Variants in CD226 observed in about 807,000 individuals in gnomAD.
The protein encoded by CD226 is CD226 antigen.
CD226 carries 24 observed loss-of-function variants against 34.9 expected under a neutral mutation model. That is an observed-to-expected ratio of 0.69 (90% CI 0.50 to 0.97). The LOEUF (loss-of-function observed/expected upper bound fraction) is 0.97, where lower values mean the gene tolerates loss of function less well. CD226 is among the 50% of genes least tolerant of loss of function. The pLI is 0.00. For missense variants in CD226, 397 were observed against 412.7 expected (o/e 0.96, Z 0.33); for synonymous variants, 148 against 147.4 (o/e 1.00, Z -0.03).
chr18:69,908,910 C>T (rs1027745705), intron 2 of CD226, among the ~76,000 whole-genome samples: 3 of 152,352 alleles, frequency 2.0e-5, no homozygotes, highest in African/African-American at 7.2e-5. Flanking sequence ...CACTTCATTC[C>T]AAGAACACTG....
intron 2 of CD226, among the ~76,000 whole-genome samples, chr18:69,938,160 A>T (rs2055678469): frequency 6.6e-6 from 1 of 152,228 alleles, no homozygotes; most frequent in Non-Finnish European, 1.5e-5. Context: ...TCACAGAGTC[A>T]GCAAACATAC....
rs1982671977 is a variant in CD226, at chr18:69,858,381, T to A, written c.*5933A>T. The A allele has an allele frequency of 6.6e-6, 1 of 152,190 alleles. No individual in the cohort carries two copies. The highest frequency in any genetic ancestry group is 2.4e-5 in the African/African-American group (1 of 41,438). The allele number at this position is 152,190 out of a possible 1,614,324, so 9.4% of individuals were successfully genotyped here. ...GAGGGAATGTCGCAGTGTGTTCTGT[T>A]TGGAAAGTAAGTTGTACCCTGACTG... is the stretch of plus-strand genomic sequence containing the variant. On this transcript the variant is annotated 3_prime_UTR_variant, in exon 6 of 6. Coordinates refer to ENST00000582621, the MANE Select transcript of CD226 (RefSeq NM_001303618.2).
chr18:69,939,437 A>G lies in CD226; in HGVS notation c.382+7297T>C, dbSNP rs1181563499. 2.0e-5 allele frequency among the ~76,000 whole-genome samples: 3 copies of G among 152,252 alleles called. 1 individual carries two copies. Among genetic ancestry groups the G allele is most frequent in the Non-Finnish European group, 4.4e-5 (3 of 68,052 alleles). On this transcript the variant is annotated intron_variant, in intron 2 of 5. Coordinates refer to ENST00000582621, the MANE Select transcript of CD226 (RefSeq NM_001303618.2). ...CATCCATGTCGGTGAGCAAGTGATA[A>G]TTCACTCATTTTAGTGATGTAGAGT...
intron 3 of CD226, among the ~76,000 whole-genome samples, chr18:69,888,416 C>CTTTTTTTT (rs397771802): frequency 2.4e-5 from 3 of 125,074 alleles, no homozygotes; most frequent in Admixed American, 8.9e-5. Context: ...TTTCCTTTCT[C>CTTTTTTTT]TTTTTTTTTT....
intron 3 of CD226, among the ~76,000 whole-genome samples, chr18:69,881,700 T>C (rs1421640349): frequency 6.6e-6 from 1 of 152,240 alleles, no homozygotes; most frequent in Non-Finnish European, 1.5e-5. Flanking sequence ...CACATTGAAG[T>C]AGTCGTGTAC....
chr18:69,867,948 T>C (rs1790588), intron 4 of CD226, among the ~76,000 whole-genome samples: 82,770 of 151,976 alleles, frequency 0.54, 23,609 homozygotes, highest in African/African-American at 0.72. Flanking sequence ...GAGTAACTTG[T>C]CCCAAATCAC....
upstream of CD226, among the ~76,000 whole-genome samples, chr18:69,959,530 G>C (rs1436271106): frequency 1.3e-5 from 2 of 151,934 alleles, no homozygotes; most frequent in African/African-American, 2.4e-5. Flanking sequence ...TCTAACAAAG[G>C]GTAAGGAAAG....
At chr18:69,908,706 C>T (rs1393961355) in intron 2 of CD226, among the ~76,000 whole-genome samples, 2 of 152,208 alleles carry the variant, frequency 1.3e-5, no homozygotes, top group African/African-American at 4.8e-5. Context: ...AAGGTTCAGA[C>T]GTTTCCTATT....
chr18:69,880,200 AG>A (rs1323347045), intron 3 of CD226, among the ~76,000 whole-genome samples: 4 of 112,412 alleles, frequency 3.6e-5, no homozygotes, highest in Non-Finnish European at 7.6e-5. Context: ...AAAGCGGGGG[AG>A]GAAGGCAGGC....
intron 2 of CD226, among the ~76,000 whole-genome samples, chr18:69,924,692 CAA>C (rs56118102): frequency 1.1e-4 from 6 of 57,110 alleles, no homozygotes; most frequent in Admixed American, 6.3e-4. Context: ...AAGGTATTGC[CAA>C]AAAAAAAAAA....
At position 69,860,384 on chromosome 18, in the gene CD226, G is replaced by T. The variant is rs762716749; in HGVS notation, c.*3930C>A. ...TGACCATATAACTTATTCTAACAAGGATAATACGAAATAAACCAGAATTAT... is the reference window on the plus strand; with the variant it reads ...TGACCATATAACTTATTCTAACAAGTATAATACGAAATAAACCAGAATTAT... On this transcript the variant is annotated 3_prime_UTR_variant, in exon 6 of 6. Transcript: ENST00000582621. 10 of 152,128 alleles carry T rather than the reference G, an allele frequency of 6.6e-5. No homozygotes were observed. The highest frequency in any genetic ancestry group is 9.7e-5 in the African/African-American group (4 of 41,436). 9.4% of individuals were successfully genotyped at this position (152,128 alleles called of 1,614,324 possible).
At chr18:69,896,996 T>C (rs1985339737) in intron 2 of CD226, among the ~76,000 whole-genome samples, 1 of 152,130 alleles carries the variant, frequency 6.6e-6, no homozygotes, top group African/African-American at 2.4e-5. Flanking sequence ...AAGTCCATGG[T>C]CCTTAGAGTG....
In CD226 at chr18:69,943,973, C is replaced by CTT. The variant is rs11350418; in HGVS notation, c.382+2759_382+2760dup. Among the ~76,000 whole-genome samples, 165 of 136,944 alleles carry CTT rather than the reference C, an allele frequency of 1.2e-3. 1 individual carries two copies. The highest frequency in any genetic ancestry group is 3.1e-3 in the African/African-American group (114 of 36,846). The allele number at this position is 136,944 out of a possible 152,430, so 89.8% of individuals were successfully genotyped here. ...AAACTAGGATTTCTAGATTCCAAGT[C>CTT]TTTTTTTTTTTTTTTTTACTATTTA... On this transcript the variant is annotated intron_variant, in intron 2 of 5. Coordinates refer to ENST00000582621, the MANE Select transcript of CD226 (RefSeq NM_001303618.2).
At chr18:69,958,067 G>A (rs1170958993), upstream of CD226, among the ~76,000 whole-genome samples, 3 of 152,100 alleles carry the variant, frequency 2.0e-5, no homozygotes, top group Non-Finnish European at 4.4e-5. Context: ...CATCCAGCAG[G>A]TCTCAGCTCC....
chr18:69,931,373 A>G (rs1356821447), intron 2 of CD226, among the ~76,000 whole-genome samples: 2 of 152,176 alleles, frequency 1.3e-5, no homozygotes, highest in East Asian at 1.9e-4. Flanking sequence ...CCTAAAACTT[A>G]AAGTATAATA....
intron 2 of CD226, among the ~76,000 whole-genome samples, chr18:69,906,793 C>T (rs1208951698): frequency 6.6e-6 from 1 of 152,154 alleles, no homozygotes; most frequent in Non-Finnish European, 1.5e-5. Context: ...TCCAAACACC[C>T]TGCAATGCAG....
At chr18:69,918,507 G>A (rs1311481548) in intron 2 of CD226, among the ~76,000 whole-genome samples, 8 of 152,208 alleles carry the variant, frequency 5.3e-5, no homozygotes, top group African/African-American at 9.7e-5. Context: ...GCGGTGAGCC[G>A]AGATTGTGCC....
intron 3 of CD226, among the ~76,000 whole-genome samples, chr18:69,885,005 G>T (rs1401254933): frequency 6.6e-6 from 1 of 152,102 alleles, no homozygotes. Flanking sequence ...CAGTTTTCTG[G>T]GTAGGGAGGA....
chr18:69,875,984 A>G (rs1983841331), intron 3 of CD226, among the ~76,000 whole-genome samples: 1 of 152,204 alleles, frequency 6.6e-6, no homozygotes. Flanking sequence ...TACAGTATGG[A>G]TGGTGATACA....
Sources: allele counts gnomAD v4.1 joint callset (sites outside exome capture counted in the v4.1 genomes callset), GRCh38; gene constraint gnomAD v4.1.1; transcripts MANE v1.5; gene names NCBI Gene and HGNC (gene_info 2026-07-23, HGNC 2026-07-21).